Variants in CACNA1G observed in about 807,000 individuals in gnomAD.
CACNA1G encodes voltage-dependent T-type calcium channel subunit alpha-1G.
In CACNA1G, 67 loss-of-function variants were observed where a neutral mutation model predicts 219.4. That is an observed-to-expected ratio of 0.31 (90% CI 0.25 to 0.37). The LOEUF (loss-of-function observed/expected upper bound fraction) is 0.37. Among genes scored for constraint, CACNA1G ranks in the 10% least tolerant of loss-of-function variants. CACNA1G has a pLI of 1.00. For synonymous variants in CACNA1G, 1,296 were observed against 1,345.3 expected (o/e 0.96, Z 0.80); for missense variants, 2,380 against 3,231.4 (o/e 0.74, Z 6.39).
In CACNA1G at chr17:50,607,777, A is replaced by T. The variant is rs774964428; in HGVS notation, c.4513-50A>T. 3.2e-6 allele frequency: 5 copies of T among 1,541,548 alleles called. No individual in the cohort carries two copies. In the East Asian group the frequency reaches 9.0e-5, roughly 28 times the overall value. ...CCAGGCTGTGGGCAGCTCCTAAGAC[A>T]GCTTGCCCTCGGGCTGATGCCTCCG... On this transcript the variant is annotated intron_variant, in intron 24 of 37. Transcript: ENST00000359106.
At chr17:50,604,071 G>A (rs1345843863) in intron 21 of CACNA1G, 84 bp from the exon 22 acceptor site, 1 of 1,440,798 alleles carries the variant, frequency 6.9e-7, no homozygotes, top group Non-Finnish European at 9.3e-7. Flanking sequence ...AGTGGTCAAG[G>A]TTGGGGGTGG....
intron 9 of CACNA1G, among the ~76,000 whole-genome samples, chr17:50,586,269 C>T (rs1387492699): frequency 6.6e-6 from 1 of 152,228 alleles, no homozygotes; most frequent in Admixed American, 6.5e-5. Flanking sequence ...GCGTGGTAGG[C>T]AGAGACTTGT....
rs1373342391 is a variant in CACNA1G at position 50,603,491 on chromosome 17, G to A, written c.4169+292G>A. ...AGCCCTGTGCAGCACACAGCACAAG[G>A]GGCCACGAGCAGGACTCTCACAGTC... On this transcript the variant is annotated intron_variant, in intron 21 of 37. Coordinates refer to ENST00000359106, the MANE Select transcript of CACNA1G (RefSeq NM_018896.5). This position sits in a 1 kb window ranked among gnomAD's most constrained non-coding sequence, Gnocchi z 6.4. 2.0e-5 allele frequency among the ~76,000 whole-genome samples: 3 copies of A among 152,118 alleles called. No individual in the cohort carries two copies. Among genetic ancestry groups the A allele is most frequent in the African/African-American group, 7.2e-5 (3 of 41,404 alleles).
Position 50,578,258 on chromosome 17 carries a change from C to T in CACNA1G, c.1995C>T (p.Asp665=), listed in dbSNP as rs1220412555. The change falls in exon 9 of 38, where the codon GAC becomes GAT. Residue 665 remains aspartate (D), a synonymous_variant. Coordinates refer to ENST00000359106, the MANE Select transcript of CACNA1G (RefSeq NM_018896.5). This position sits in a 1 kb window ranked among gnomAD's most constrained non-coding sequence, Gnocchi z 4.5. ...CAGACAGTGGAGCCTGTGGTCCAGA[C>T]AGCTGCCCCTACTGTGCCCGGGCCG... ...LKADSGACGP[D]SCPYCARAGA... is the part of the protein sequence containing the mutation. 8 of 1,612,320 alleles carry T rather than the reference C, an allele frequency of 5.0e-6. No individual in the cohort carries two copies. Among genetic ancestry groups the T allele is most frequent in the African/African-American group, 4.0e-5 (3 of 74,908 alleles).
Position 50,576,036 on chromosome 17 carries a change from C to G in CACNA1G, c.1634C>G (p.Ala545Gly), listed in dbSNP as rs745634077. The G allele has an allele frequency of 1.0e-5, 16 of 1,568,344 alleles. No homozygotes were observed. The South Asian group carries it at 1.9e-4, about 18-fold the overall frequency. The change falls in exon 8 of 38, where the codon GCC (alanine) becomes GGC (glycine). Residue 545 changes from alanine (A) to glycine (G), a missense_variant. Physicochemically the swap from Ala to Gly is moderately conservative, Grantham distance 60. Transcript: ENST00000359106. ...CCCTCGACGCCTGCCCTCTCCGGGG[C>G]CCCCCCTGGTGGCGCAGAGTCTGTG... ...PPPSTPALSG[A>G]PPGGAESVHS...
In CACNA1G at chr17:50,571,841, C is replaced by T; in HGVS notation, c.587-37C>T. On this transcript the variant is annotated intron_variant, in intron 4 of 37. Transcript: ENST00000359106. The surrounding 1 kb of genome is among the most constrained non-coding windows in gnomAD (Gnocchi z 4.3). ...GCCGTGGCAGTCAGCCTAGCCCGGC[C>T]AGCCTGGTGTCCCCAGCGTGGCTTC... 6.2e-7 allele frequency: 1 copy of T among 1,609,020 alleles called. No individual in the cohort carries two copies.
At chr17:50,585,010 G>GGGCTT (rs2042725823) in intron 9 of CACNA1G, among the ~76,000 whole-genome samples, 1 of 152,196 alleles carries the variant, frequency 6.6e-6, no homozygotes, top group African/African-American at 2.4e-5. Context: ...GCACTTACCT[G>GGGCTT]GGCTGGGGCT....
chr17:50,578,234 A>G lies in CACNA1G; in HGVS notation c.1971A>G (p.Ala657=), dbSNP rs760651553. 1 of 1,605,158 alleles carries G rather than the reference A, an allele frequency of 6.2e-7. No individual in the cohort carries two copies. Among genetic ancestry groups the G allele is most frequent in the Admixed American group, 1.7e-5 (1 of 58,910 alleles). Reference sequence around the variant, plus strand: ...AGATCTCCAGCCCTTGCTTGAAAGCAGACAGTGGAGCCTGTGGTCCAGACA... The same window carrying G: ...AGATCTCCAGCCCTTGCTTGAAAGCGGACAGTGGAGCCTGTGGTCCAGACA... ...SCKISSPCLK[A]DSGACGPDSC... is the part of the protein sequence containing the mutation. The change falls in exon 9 of 38, where the codon GCA becomes GCG. Residue 657 remains alanine, a synonymous_variant. Coordinates refer to ENST00000359106, the MANE Select transcript of CACNA1G (RefSeq NM_018896.5). The surrounding 1 kb of genome is among the most constrained non-coding windows in gnomAD (Gnocchi z 4.5).
Position 50,618,541 on chromosome 17 carries a change from C to G in CACNA1G, c.5428-114C>G. 1 of 1,043,908 alleles carries G rather than the reference C, an allele frequency of 9.6e-7. No individual in the cohort carries two copies. The allele number at this position is 1,043,908 out of a possible 1,614,324, so 64.7% of individuals were successfully genotyped here. A position where few individuals can be genotyped will look rare whatever the true frequency, so the allele number is the denominator to read the frequency against. ...CTCCTCTGCCCCCAAACACTCCCTC[C>G]TCCTCCCCTTCCTTCCCATCCTCCA... On this transcript the variant is annotated intron_variant, in intron 32 of 37. Coordinates refer to ENST00000359106, the MANE Select transcript of CACNA1G (RefSeq NM_018896.5). This position sits in a 1 kb window ranked among gnomAD's most constrained non-coding sequence, Gnocchi z 5.3.
At position 50,603,367 on chromosome 17, in the gene CACNA1G, C is replaced by T. The variant is rs1214233200; in HGVS notation, c.4169+168C>T. Among the ~76,000 whole-genome samples the T allele has an allele frequency of 3.9e-5, 6 of 152,196 alleles. No individual in the cohort carries two copies. The highest frequency in any genetic ancestry group is 6.5e-5 in the Admixed American group (1 of 15,288). On this transcript the variant is annotated intron_variant, in intron 21 of 37. Transcript: ENST00000359106. This position sits in a 1 kb window ranked among gnomAD's most constrained non-coding sequence, Gnocchi z 6.4. ...CCCGCCCCAGACAACACTCAGATTA[C>T]GGCCGCAGTAATTTCCCTCCAGGTG...
intron 1 of CACNA1G, among the ~76,000 whole-genome samples, chr17:50,563,458 C>T (rs576517395): frequency 1.3e-5 from 2 of 152,314 alleles, no homozygotes; most frequent in South Asian, 2.1e-4. Context: ...ACCCCTTCCA[C>T]GAATGGGAAA....
chr17:50,571,424 G>A lies in CACNA1G; in HGVS notation c.587-454G>A, dbSNP rs545572098. 1.2e-4 allele frequency among the ~76,000 whole-genome samples: 19 copies of A among 152,262 alleles called. No individual in the cohort carries two copies. The highest frequency in any genetic ancestry group is 3.6e-4 in the African/African-American group (15 of 41,544). On this transcript the variant is annotated intron_variant, in intron 4 of 37. Transcript: ENST00000359106. The surrounding 1 kb of genome is among the most constrained non-coding windows in gnomAD (Gnocchi z 4.3). ...AGAAGGAAGTAGGTAGGGAGTGTGC[G>A]TGTGAATGTGTGCGGGTGTGGGTGT... is the stretch of plus-strand genomic sequence containing the variant.
At chr17:50,599,979 C>A in intron 17 of CACNA1G, 120 bp downstream of exon 17, 1 of 987,278 alleles carries the variant, frequency 1.0e-6, no homozygotes, top group Non-Finnish European at 1.5e-6. Flanking sequence ...CAAGGGGCAC[C>A]TAGAAACCGA....
chr17:50,611,729 C>T (rs779270969), intron 26 of CACNA1G, among the ~76,000 whole-genome samples: 20 of 152,222 alleles, frequency 1.3e-4, no homozygotes, highest in Non-Finnish European at 2.9e-4. Context: ...CACTTTCACA[C>T]TCACCCCAAA....
chr17:50,607,323 G>A, intron 24 of CACNA1G: 1 of 388,246 alleles, frequency 2.6e-6, no homozygotes, highest in South Asian at 2.1e-5. Context: ...GGGCATCATA[G>A]CAAGACCCCC....
In CACNA1G at chr17:50,578,699, G is replaced by A. The variant is rs1373235162; in HGVS notation, c.2301+135G>A. The A allele has an allele frequency of 4.6e-6, 4 of 870,024 alleles. No homozygotes were observed. The East Asian group carries it at 1.1e-4, about 24-fold the overall frequency. The allele number at this position is 870,024 out of a possible 1,614,324, so 53.9% of individuals were successfully genotyped here. On this transcript the variant is annotated intron_variant, in intron 9 of 37. Transcript: ENST00000359106. This position sits in a 1 kb window ranked among gnomAD's most constrained non-coding sequence, Gnocchi z 4.5. The stretch of plus-strand genomic sequence containing the variant: ...TGCTAGCCCACCTGGCAGGTAGGAG[G>A]GGAGGTGGGTGATGGAGCAATGCAT...
intron 9 of CACNA1G, among the ~76,000 whole-genome samples, chr17:50,586,263 G>T (rs1161921738): frequency 6.6e-6 from 1 of 152,204 alleles, no homozygotes; most frequent in Non-Finnish European, 1.5e-5. Flanking sequence ...GTGGCAGCGT[G>T]GTAGGCAGAG....
At position 50,561,221 on chromosome 17, in the gene CACNA1G, G is replaced by A; in HGVS notation, c.-239G>A. 1.8e-6 allele frequency: 1 copy of A among 559,650 alleles called. No homozygotes were observed. Among genetic ancestry groups the A allele is most frequent in the Admixed American group, 3.3e-5 (1 of 30,052 alleles). 34.7% of individuals were successfully genotyped at this position (559,650 alleles called of 1,614,324 possible). On this transcript the variant is annotated 5_prime_UTR_variant, in exon 1 of 38. Coordinates refer to ENST00000359106, the MANE Select transcript of CACNA1G (RefSeq NM_018896.5). ...CCGGCTGGCCCGGGAAGCCCCAGGG[G>A]CGCAGGGGAAGCGGGACTCGCGCCG...
chr17:50,572,154 C>T, intron 5 of CACNA1G, 117 bp downstream of exon 5: 1 of 1,202,638 alleles, frequency 8.3e-7, no homozygotes, highest in Non-Finnish European at 1.1e-6. Context: ...TGAGACATAT[C>T]TGGTTCTCAA....
Sources: allele counts gnomAD v4.1 joint callset (sites outside exome capture counted in the v4.1 genomes callset), GRCh38; gene constraint gnomAD v4.1.1; non-coding constraint Gnocchi (gnomAD v3.1); transcripts MANE v1.5; gene names NCBI Gene and HGNC (gene_info 2026-07-23, HGNC 2026-07-21).